GRM8: variants seen among roughly 807,000 people sequenced by gnomAD.
GRM8 encodes the protein metabotropic glutamate receptor 8.
Under a neutral mutation model 87.2 loss-of-function variants are expected in GRM8, and 47 were observed. That is an observed-to-expected ratio of 0.54 (90% confidence interval 0.43 to 0.69). GRM8 has a LOEUF of 0.69. Among genes scored for constraint, GRM8 ranks in the 30% least tolerant of loss-of-function variants. The pLI, the probability that GRM8 is intolerant of heterozygous loss-of-function variation, is 0.00. For missense variants in GRM8, 1,019 were observed against 1,139.2 expected, an observed-to-expected ratio of 0.89 and a Z score of 1.52; for synonymous variants, 396 against 404.5, an observed-to-expected ratio of 0.98 and a Z score of 0.25.
At chr7:127,192,342 ATTG>A (rs748311717) in intron 2 of GRM8, among the ~76,000 whole-genome samples, 1 of 152,198 alleles carries the variant, frequency 6.6e-6, no homozygotes, top group African/African-American at 2.4e-5. Flanking sequence ...GCAGTTTGTC[ATTG>A]TTGTTTAAAA....
At chr7:126,919,733 A>G (rs1804314845) in intron 3 of GRM8, among the ~76,000 whole-genome samples, 1 of 151,844 alleles carries the variant, frequency 6.6e-6, no homozygotes, top group African/African-American at 2.4e-5. Context: ...CTATTTCTTG[A>G]TCCTGCTCAA....
At chr7:126,765,847 T>C (rs1318834071) in intron 7 of GRM8, among the ~76,000 whole-genome samples, 1 of 152,140 alleles carries the variant, frequency 6.6e-6, no homozygotes, top group Non-Finnish European at 1.5e-5. Context: ...CTGGATACAC[T>C]GTGATTCAGA....
intron 7 of GRM8, among the ~76,000 whole-genome samples, chr7:126,644,068 A>G (rs1802770722): frequency 6.6e-6 from 1 of 152,254 alleles, no homozygotes; most frequent in South Asian, 2.1e-4. Context: ...TTGCAGAAAT[A>G]TGCTTCTAAA....
chr7:127,014,949 G>A (rs1440824713), intron 3 of GRM8, among the ~76,000 whole-genome samples: 10 of 136,482 alleles, frequency 7.3e-5, no homozygotes, highest in African/African-American at 2.8e-4. Flanking sequence ...GAGAGAAAGA[G>A]AGAGAGAAGA....
At chr7:127,180,038 CA>C (rs1479815531) in intron 2 of GRM8, among the ~76,000 whole-genome samples, 4 of 151,254 alleles carry the variant, frequency 2.6e-5, no homozygotes, top group African/African-American at 9.7e-5. Context: ...AACAAACAAA[CA>C]AAAAAGATAA....
At chr7:126,806,701 G>A (rs6948817) in intron 6 of GRM8, among the ~76,000 whole-genome samples, 3,225 of 152,336 alleles carry the variant, frequency 0.021, 118 homozygotes, top group African/African-American at 0.073. Flanking sequence ...ACTGGCATGC[G>A]TCGCGGGACT....
chr7:126,996,093 T>C (rs933982927), intron 3 of GRM8, among the ~76,000 whole-genome samples: 1 of 152,054 alleles, frequency 6.6e-6, no homozygotes, highest in African/African-American at 2.4e-5. Flanking sequence ...CCTGGAATAG[T>C]ATATTCTGTG....
rs573629706 is a variant in GRM8 at position 126,616,201 on chromosome 7, A to G, written c.1358-6703T>C. On this transcript the variant is annotated intron_variant, in intron 7 of 10. Transcript: ENST00000339582. Reference sequence around the variant, plus strand: ...TCTCAGACCACAGTGCAATCAAACTACAACTCAGGATTAAGAATCTCACTC... The same window carrying G: ...TCTCAGACCACAGTGCAATCAAACTGCAACTCAGGATTAAGAATCTCACTC... Among the ~76,000 whole-genome samples the G allele has an allele frequency of 5.1e-3, 782 of 152,326 alleles. 7 individuals are homozygous for G. Among genetic ancestry groups the G allele is most frequent in the African/African-American group, 0.018 (746 of 41,562 alleles).
At chr7:126,499,294 A>G (rs552264906) in intron 9 of GRM8, among the ~76,000 whole-genome samples, 1 of 151,880 alleles carries the variant, frequency 6.6e-6, no homozygotes, top group Non-Finnish European at 1.5e-5. Context: ...GCTATTATCA[A>G]AAGATGAAAG....
chr7:127,109,188 C>G (rs574262748), intron 2 of GRM8, among the ~76,000 whole-genome samples: 30 of 151,884 alleles, frequency 2.0e-4, no homozygotes, highest in African/African-American at 7.0e-4. Context: ...GTTTCATCTA[C>G]CAGAAACACA....
chr7:126,585,627 A>G (rs955405619), intron 8 of GRM8, among the ~76,000 whole-genome samples: 9 of 152,240 alleles, frequency 5.9e-5, no homozygotes, highest in African/African-American at 2.2e-4. Context: ...AAAAAATTCA[A>G]CAGCCCTTCA....
At chr7:126,510,715 T>A in intron 9 of GRM8, among the ~76,000 whole-genome samples, 1 of 16,716 alleles carries the variant, frequency 6.0e-5, no homozygotes, top group South Asian at 1.6e-3. Context: ...TTAGGCATCA[T>A]CTGAACTGAT....
At chr7:127,018,431 T>TA (rs11417713) in intron 3 of GRM8, among the ~76,000 whole-genome samples, 1 of 148,906 alleles carries the variant, frequency 6.7e-6, no homozygotes, top group Admixed American at 6.7e-5. Flanking sequence ...TTTTTTTTTT[T>TA]ACCATTTCCT....
At chr7:127,197,387 A>G (rs1274570378) in intron 2 of GRM8, among the ~76,000 whole-genome samples, 6 of 152,224 alleles carry the variant, frequency 3.9e-5, no homozygotes, top group Non-Finnish European at 8.8e-5. Context: ...TTGTACTTGA[A>G]GCTTTTCATC....
chr7:126,830,908 C>T (rs868718614), intron 6 of GRM8, among the ~76,000 whole-genome samples: 2 of 152,128 alleles, frequency 1.3e-5, no homozygotes, highest in African/African-American at 4.8e-5. Context: ...TGTTTGTTAG[C>T]TTTCCTTCTA....
intron 2 of GRM8, among the ~76,000 whole-genome samples, chr7:127,154,209 G>A (rs1792583212): frequency 6.6e-6 from 1 of 152,072 alleles, no homozygotes; most frequent in African/African-American, 2.4e-5. Context: ...CTTTTCCTTG[G>A]AACTCAGGCA....
At chr7:126,469,167 G>C (rs1277666834) in intron 9 of GRM8, among the ~76,000 whole-genome samples, 1 of 152,090 alleles carries the variant, frequency 6.6e-6, no homozygotes, top group Admixed American at 6.6e-5. Context: ...AATTTTACCA[G>C]AGAATAATCC....
At chr7:126,463,552 T>C (rs1804139022) in intron 9 of GRM8, among the ~76,000 whole-genome samples, 1 of 151,630 alleles carries the variant, frequency 6.6e-6, no homozygotes, top group Non-Finnish European at 1.5e-5. Context: ...TATTCCTAGG[T>C]TCAGTGACCT....
chr7:127,019,198 G>C (rs1050357955), intron 3 of GRM8, among the ~76,000 whole-genome samples: 3 of 152,044 alleles, frequency 2.0e-5, no homozygotes, highest in African/African-American at 7.2e-5. Flanking sequence ...CCTTATTTAG[G>C]ATAAGGCTTT....
Sources: gnomAD v4.1 joint callset for allele counts (sites outside exome capture counted in the v4.1 genomes callset) on GRCh38, gnomAD v4.1.1 for gene constraint, MANE v1.5 for transcripts, NCBI Gene and HGNC (gene_info 2026-07-23, HGNC 2026-07-21) for gene names.